Variants in GPC6 observed in about 807,000 individuals in gnomAD.
GPC6 encodes the protein glypican 6.
Under a neutral mutation model 55.2 loss-of-function variants are expected in GPC6, and 14 were observed. That is an observed-to-expected ratio of 0.25 (90% CI 0.17 to 0.40). GPC6 has a LOEUF of 0.40. GPC6 is among the 10% of genes least tolerant of loss of function. GPC6 has a pLI of 1.00. For synonymous variants in GPC6, 278 were observed against 259.6 expected (o/e 1.07, Z -0.68); for missense variants, 641 against 708.5 (o/e 0.90, Z 1.08).
intron 4 of GPC6, among the ~76,000 whole-genome samples, chr13:94,107,311 T>C (rs773427503): frequency 2.6e-5 from 4 of 152,208 alleles, no homozygotes; most frequent in Non-Finnish European, 2.9e-5. Context: ...ATGTCATTTT[T>C]CCGGAGTCTC....
intron 4 of GPC6, among the ~76,000 whole-genome samples, chr13:94,097,511 A>T (rs1182255291): frequency 6.6e-6 from 1 of 151,122 alleles, no homozygotes; most frequent in Non-Finnish European, 1.5e-5. Context: ...TGTCTCAAAA[A>T]AAAAAAAAAA....
chr13:94,137,175 A>G (rs1041103142), intron 4 of GPC6, among the ~76,000 whole-genome samples: 1 of 152,246 alleles, frequency 6.6e-6, no homozygotes, highest in African/African-American at 2.4e-5. Flanking sequence ...ACATATCTGT[A>G]GGACATCTTG....
At chr13:93,332,432 G>T (rs568706664) in intron 1 of GPC6, among the ~76,000 whole-genome samples, 20 of 151,932 alleles carry the variant, frequency 1.3e-4, no homozygotes, top group Non-Finnish European at 2.5e-4. Flanking sequence ...TTTGCTCATT[G>T]TGATTTTGAT....
chr13:93,779,060 A>G (rs1885555041), intron 2 of GPC6, among the ~76,000 whole-genome samples: 1 of 152,224 alleles, frequency 6.6e-6, no homozygotes, highest in Non-Finnish European at 1.5e-5. Flanking sequence ...CTATCCTTTT[A>G]TATTTTAAAA....
intron 4 of GPC6, among the ~76,000 whole-genome samples, chr13:94,176,535 T>C (rs1288189413): frequency 6.6e-6 from 1 of 152,180 alleles, no homozygotes; most frequent in African/African-American, 2.4e-5. Context: ...GACCTTGATA[T>C]TGTTATTTAT....
At chr13:94,339,248 G>GAGAC (rs981949212) in intron 6 of GPC6, among the ~76,000 whole-genome samples, 20 of 152,126 alleles carry the variant, frequency 1.3e-4, no homozygotes, top group Admixed American at 1.0e-3. Flanking sequence ...TATTTTTATA[G>GAGAC]AGACAAGAGT....
chr13:94,372,798 A>C (rs892040743), intron 6 of GPC6, among the ~76,000 whole-genome samples: 5 of 152,192 alleles, frequency 3.3e-5, no homozygotes, highest in African/African-American at 9.7e-5. Context: ...TAACCTCTGC[A>C]GACTTAAATG....
intron 2 of GPC6, among the ~76,000 whole-genome samples, chr13:93,790,380 A>G (rs1437785488): frequency 6.6e-6 from 1 of 152,210 alleles, no homozygotes; most frequent in Non-Finnish European, 1.5e-5. Flanking sequence ...TATTTATTTT[A>G]CAGTTACATG....
chr13:94,071,014 G>T (rs555252710), intron 4 of GPC6, among the ~76,000 whole-genome samples: 1 of 152,086 alleles, frequency 6.6e-6, no homozygotes, highest in Non-Finnish European at 1.5e-5. Flanking sequence ...GTCACCTCTG[G>T]GCTCATTATG....
chr13:94,027,386 G>A (rs1882941529), intron 3 of GPC6, among the ~76,000 whole-genome samples: 1 of 152,108 alleles, frequency 6.6e-6, no homozygotes, highest in Non-Finnish European at 1.5e-5. Context: ...TTTTCTAAAT[G>A]TGTCACATTA....
intron 3 of GPC6, among the ~76,000 whole-genome samples, chr13:93,977,465 GGGGT>G (rs1367626994): frequency 8.7e-5 from 10 of 115,338 alleles, no homozygotes; most frequent in Admixed American, 2.1e-4. Context: ...AAGATGACAA[GGGGT>G]GTGTGTGTGT....
At chr13:93,979,170 T>C (rs956949990) in intron 3 of GPC6, among the ~76,000 whole-genome samples, 2 of 152,108 alleles carry the variant, frequency 1.3e-5, no homozygotes, top group Non-Finnish European at 2.9e-5. Flanking sequence ...ACCAGCCACA[T>C]GTAGCTGTTG....
At chr13:93,651,916 G>A (rs572461873) in intron 2 of GPC6, among the ~76,000 whole-genome samples, 2 of 152,246 alleles carry the variant, frequency 1.3e-5, no homozygotes, top group South Asian at 2.1e-4. Flanking sequence ...CCTGTACATC[G>A]GTATCCATTA....
intron 1 of GPC6, among the ~76,000 whole-genome samples, chr13:93,463,596 T>C (rs1196705569): frequency 6.6e-6 from 1 of 152,164 alleles, no homozygotes; most frequent in Non-Finnish European, 1.5e-5. Context: ...TCATTAGTAA[T>C]TTTTAGCATG....
At chr13:93,426,948 T>C (rs1877153312) in intron 1 of GPC6, among the ~76,000 whole-genome samples, 2 of 149,960 alleles carry the variant, frequency 1.3e-5, no homozygotes, top group South Asian at 4.4e-4. Context: ...TGTGAGATGG[T>C]ATCTCATTGT....
intron 2 of GPC6, among the ~76,000 whole-genome samples, chr13:93,623,073 C>A (rs1879027074): frequency 6.6e-6 from 1 of 152,134 alleles, no homozygotes; most frequent in Non-Finnish European, 1.5e-5. Flanking sequence ...ATCCATGCCA[C>A]CACAAATAAC....
intron 4 of GPC6, among the ~76,000 whole-genome samples, chr13:94,197,578 C>T (rs1286529625): frequency 6.6e-6 from 1 of 152,152 alleles, no homozygotes; most frequent in East Asian, 1.9e-4. Flanking sequence ...ACAGTGCCAG[C>T]TCTATTGAAT....
At chr13:94,378,052 G>C (rs561782561) in intron 6 of GPC6, among the ~76,000 whole-genome samples, 2 of 152,100 alleles carry the variant, frequency 1.3e-5, no homozygotes, top group Non-Finnish European at 2.9e-5. Flanking sequence ...GTTGTGGGGT[G>C]GGGGGAGACG....
At chr13:93,551,383 A>G (rs1875152454) in intron 2 of GPC6, among the ~76,000 whole-genome samples, 1 of 151,854 alleles carries the variant, frequency 6.6e-6, no homozygotes, top group Non-Finnish European at 1.5e-5. Context: ...TGGGTTGACT[A>G]GAGATTGGCT....
Sources: gnomAD v4.1 joint callset for allele counts (sites outside exome capture counted in the v4.1 genomes callset) on GRCh38, gnomAD v4.1.1 for gene constraint, MANE v1.5 for transcripts, NCBI Gene and HGNC (gene_info 2026-07-23, HGNC 2026-07-21) for gene names.